The following PARP14 variants were observed in gnomAD, a reference collection of about 807,000 sequenced individuals.
PARP14 encodes the protein protein mono-ADP-ribosyltransferase PARP14.
In PARP14, 59 loss-of-function variants were observed where a neutral mutation model predicts 154.2. The ratio of observed to expected loss-of-function variants is 0.38; its 90% CI spans 0.31 to 0.48. PARP14 has a LOEUF of 0.48. Among genes scored for constraint, PARP14 ranks in the 20% least tolerant of loss-of-function variants. The pLI is 0.98. For missense variants in PARP14, 1,734 were observed against 2,131.6 expected, an observed-to-expected ratio of 0.81 and a Z score of 3.67; for synonymous variants, 720 against 780.5, an observed-to-expected ratio of 0.92 and a Z score of 1.29.
At chr3:122,720,645 C>T in intron 15 of PARP14, 1 of 518,600 alleles carries the variant, frequency 1.9e-6, no homozygotes, top group South Asian at 1.9e-5. Flanking sequence ...GTGAAGCAAG[C>T]TAATACAAAT....
intron 2 of PARP14, among the ~76,000 whole-genome samples, chr3:122,685,653 G>A (rs1243657025): frequency 3.3e-5 from 5 of 152,084 alleles, no homozygotes; most frequent in Admixed American, 3.3e-4. Flanking sequence ...GTGACTACAG[G>A]CATATGCCAC....
At chr3:122,710,299 G>A (rs187358033) in intron 9 of PARP14, among the ~76,000 whole-genome samples, 29 of 152,126 alleles carry the variant, frequency 1.9e-4, no homozygotes, top group Middle Eastern at 3.4e-3. Context: ...TCCCAGCACC[G>A]TTTATTGAAT....
In PARP14 at chr3:122,718,296, T is replaced by G; in HGVS notation, c.4207+19T>G. The G allele has an allele frequency of 6.2e-7, 1 of 1,612,932 alleles. No homozygotes were observed. Among genetic ancestry groups the G allele is most frequent in the Non-Finnish European group, 8.5e-7 (1 of 1,179,246 alleles). ...CTTGCATGTGAGTTCTTTGTTTTTA[T>G]GAAATGCATGTTCATAACGTTGATG... On this transcript the variant is annotated intron_variant, in intron 13 of 16. Coordinates refer to ENST00000474629, the MANE Select transcript of PARP14 (RefSeq NM_017554.3).
At chr3:122,704,404 C>T (rs62263931) in intron 7 of PARP14, 123 bp from the exon 8 acceptor site, 76,486 of 628,554 alleles carry the variant, frequency 0.12, 5,515 homozygotes, top group South Asian at 0.17. Context: ...TTCTGATTGC[C>T]CTTAATCAGT....
At chr3:122,712,066 G>T (rs953336439) in intron 9 of PARP14, among the ~76,000 whole-genome samples, 3 of 151,728 alleles carry the variant, frequency 2.0e-5, no homozygotes, top group Admixed American at 2.0e-4. Context: ...TTTTTTGTTT[G>T]TTTGTTTGAG....
intron 8 of PARP14, among the ~76,000 whole-genome samples, chr3:122,705,242 A>G (rs1206569207): frequency 6.6e-6 from 1 of 152,240 alleles, no homozygotes; most frequent in Non-Finnish European, 1.5e-5. Context: ...CAATTATCAA[A>G]TCAATTCTCA....
At chr3:122,724,755 G>C (rs1033687032) in intron 15 of PARP14, among the ~76,000 whole-genome samples, 5 of 151,864 alleles carry the variant, frequency 3.3e-5, no homozygotes, top group Non-Finnish European at 7.4e-5. Flanking sequence ...AGATAAACAC[G>C]TGAATAAAGG....
At position 122,680,969 on chromosome 3, in the gene PARP14, T is replaced by G. The variant is rs1256085915; in HGVS notation, c.86T>G (p.Met29Arg). The G allele has an allele frequency of 6.2e-7, 1 of 1,613,406 alleles. No individual in the cohort carries two copies. Among genetic ancestry groups the G allele is most frequent in the Non-Finnish European group, 8.5e-7 (1 of 1,179,642 alleles). The change falls in exon 1 of 17, where the codon ATG becomes AGG. Residue 29 changes from methionine (M) to arginine (R), a missense_variant. By Grantham distance (91) the Met-to-Arg change is moderately conservative. Coordinates refer to ENST00000474629, the MANE Select transcript of PARP14 (RefSeq NM_017554.3). ...PPKNLNTKLQ[M>R]YFQSPKRSGG... Reference sequence around the variant, plus strand: ...AAGAACTTGAACACCAAGTTGCAGATGTACTTCCAGAGCCCGAAGAGGTCG... The same window carrying G: ...AAGAACTTGAACACCAAGTTGCAGAGGTACTTCCAGAGCCCGAAGAGGTCG...
Position 122,698,238 on chromosome 3 carries a change from C to A in PARP14, c.836-1152C>A, listed in dbSNP as rs138175760. ...TCATGCTTGATACCAGCTCTAGGAC[C>A]CAATCATACACAAGGTGAAGTTATT... is the stretch of plus-strand genomic sequence containing the variant. On this transcript the variant is annotated intron_variant, in intron 5 of 16. Coordinates refer to ENST00000474629, the MANE Select transcript of PARP14 (RefSeq NM_017554.3). Among the ~76,000 whole-genome samples the A allele has an allele frequency of 2.6e-3, 394 of 152,314 alleles. 2 individuals are homozygous for A. The highest frequency in any genetic ancestry group is 8.3e-3 in the African/African-American group (347 of 41,564).
chr3:122,692,494 A>T lies in PARP14; in HGVS notation c.549A>T (p.Glu183Asp). Reference sequence around the variant, plus strand: ...TGTCTAATGATGACTTTCAAGTGGAAATAATAAGAGATTTTGATGTTGCTG... The same window carrying T: ...TGTCTAATGATGACTTTCAAGTGGATATAATAAGAGATTTTGATGTTGCTG... ...SGLSNDDFQVEIIRDFDVAVV... is the reference protein window; with the variant it reads ...SGLSNDDFQVDIIRDFDVAVV... Residue 183 changes from glutamate to aspartate, a missense_variant, in exon 4 of 17, where the codon GAA (glutamate) becomes GAT (aspartate). Glu to Asp is a conservative substitution (Grantham distance 45). Transcript: ENST00000474629. 6.2e-7 allele frequency: 1 copy of T among 1,612,974 alleles called. No individual in the cohort carries two copies. The highest frequency in any genetic ancestry group is 8.5e-7 in the Non-Finnish European group (1 of 1,179,074).
Position 122,699,685 on chromosome 3 carries a change from A to G in PARP14, c.1131A>G (p.Arg377=), listed in dbSNP as rs773760628. Residue 377 remains arginine, a synonymous_variant, in exon 6 of 17, where the codon AGA becomes AGG. Transcript: ENST00000474629. ...CAGCCACCTTAGTCAATGAAGGAAG[A>G]CCGAGAATCAAGACCTGGCAGGCAG... ...RPAATLVNEG[R]PRIKTWQADT... The G allele has an allele frequency of 4.3e-6, 7 of 1,614,048 alleles. No homozygotes were observed. The highest frequency in any genetic ancestry group is 5.9e-6 in the Non-Finnish European group (7 of 1,179,902).
At chr3:122,714,748 T>C (rs1329309317) in intron 12 of PARP14, among the ~76,000 whole-genome samples, 1 of 152,160 alleles carries the variant, frequency 6.6e-6, no homozygotes, top group Non-Finnish European at 1.5e-5. Flanking sequence ...CTTTCCTCAG[T>C]TACTTTCCCT....
chr3:122,695,822 A>T (rs1938754513), intron 5 of PARP14, among the ~76,000 whole-genome samples, 160 bp downstream of exon 5: 1 of 152,244 alleles, frequency 6.6e-6, no homozygotes, highest in African/African-American at 2.4e-5. Flanking sequence ...ATGCTTAATA[A>T]GGCCAGTGAT....
chr3:122,700,678 T>C lies in PARP14; in HGVS notation c.2124T>C (p.Pro708=), dbSNP rs997590728. Residue 708 remains proline, a synonymous_variant, in exon 6 of 17, where the codon CCT becomes CCC. Transcript: ENST00000474629. Reference sequence around the variant, plus strand: ...TAAATGTGCAGGTAAGTTTCAATCCTGAGAACAAACAAAAAGGCATTTTAC... The same window carrying C: ...TAAATGTGCAGGTAAGTTTCAATCCCGAGAACAAACAAAAAGGCATTTTAC... ...KKVNVQVSFN[P]ENKQKGILLT... 1.2e-6 allele frequency: 2 copies of C among 1,609,706 alleles called. No individual in the cohort carries two copies. The highest frequency in any genetic ancestry group is 8.5e-7 in the Non-Finnish European group (1 of 1,177,830).
intron 9 of PARP14, among the ~76,000 whole-genome samples, chr3:122,708,569 A>G (rs553857903): frequency 1.3e-5 from 2 of 152,338 alleles, no homozygotes; most frequent in Admixed American, 6.5e-5. Flanking sequence ...TTGAGAGACA[A>G]TACTCACCAA....
intron 11 of PARP14, 28 bp from the exon 12 acceptor site, chr3:122,714,234 T>C: frequency 3.2e-6 from 5 of 1,568,622 alleles, no homozygotes; most frequent in Non-Finnish European, 4.3e-6. Flanking sequence ...TTCTACTAAT[T>C]TTGCATCTTT....
At chr3:122,705,102 A>G (rs1028315766) in intron 8 of PARP14, among the ~76,000 whole-genome samples, 6 of 152,294 alleles carry the variant, frequency 3.9e-5, no homozygotes, top group African/African-American at 1.4e-4. Flanking sequence ...TTTGAAGCAA[A>G]TCTCAGACAT....
chr3:122,712,545 G>T (rs1939357064), intron 9 of PARP14, among the ~76,000 whole-genome samples: 1 of 151,270 alleles, frequency 6.6e-6, no homozygotes, highest in South Asian at 2.1e-4. Context: ...ACCATGCCTG[G>T]CCAGGATTGA....
Position 122,699,632 on chromosome 3 carries a change from C to A in PARP14, c.1078C>A (p.Leu360Ile), listed in dbSNP as rs1938887876. 1 of 1,613,902 alleles carries A rather than the reference C, an allele frequency of 6.2e-7. No homozygotes were observed. The highest frequency in any genetic ancestry group is 1.3e-5 in the African/African-American group (1 of 74,940). ...RCHCELTWSQLSGKVTIRPAA... is the reference protein window; with the variant it reads ...RCHCELTWSQISGKVTIRPAA... ...TCACTGTGAGCTCACGTGGTCCCAA[C>A]TCAGTGGTAAAGTTACCATCAGACC... The change falls in exon 6 of 17, where the codon CTC becomes ATC. Residue 360 changes from leucine (L) to isoleucine (I), a missense_variant. This residue lies in a region of PARP14 where 1,646 missense variants were observed against 1,976.0 expected (regional missense o/e 0.83). Transcript: ENST00000474629.
Sources: gnomAD v4.1 joint callset for allele counts (sites outside exome capture counted in the v4.1 genomes callset) on GRCh38, gnomAD v4.1.1 for gene constraint, gnomAD v4.1.1 regional missense constraint, MANE v1.5 for transcripts, NCBI Gene and HGNC (gene_info 2026-07-23, HGNC 2026-07-21) for gene names.